The following SLCO1A2 variants were observed in gnomAD, a reference collection of about 807,000 sequenced individuals.
The protein encoded by SLCO1A2 is solute carrier organic anion transporter family member 1A2.
In SLCO1A2, 67 loss-of-function variants were observed where a neutral mutation model predicts 69.0. The observed-to-expected ratio is 0.97, with a 90% CI of 0.80 to 1.19. SLCO1A2 has a LOEUF of 1.19. SLCO1A2 is among the 50% of genes most tolerant of loss of function. SLCO1A2 has a pLI of 0.00. For missense variants in SLCO1A2, 787 were observed against 793.7 expected, an observed-to-expected ratio of 0.99 and a Z score of 0.10; for synonymous variants, 260 against 265.9, an observed-to-expected ratio of 0.98 and a Z score of 0.22.
intron 3 of SLCO1A2, 101 bp downstream of exon 3, chr12:21,318,681 G>T: frequency 2.0e-6 from 2 of 998,442 alleles, no homozygotes; most frequent in South Asian, 1.9e-5. Context: ...AACTCGGTCA[G>T]ATTAAATGAC....
chr12:21,347,518 C>T (rs12099524), intron 2 of SLCO1A2, among the ~76,000 whole-genome samples: 23,261 of 151,876 alleles, frequency 0.15, 2,278 homozygotes, highest in African/African-American at 0.28. Flanking sequence ...TGGTGGCGCA[C>T]GTCTGTAATC....
intron 1 of SLCO1A2, among the ~76,000 whole-genome samples, chr12:21,377,103 T>C (rs1017321853): frequency 6.6e-6 from 1 of 152,182 alleles, no homozygotes; most frequent in Non-Finnish European, 1.5e-5. Flanking sequence ...TTATGATTTC[T>C]GAGTTTATAA....
intron 12 of SLCO1A2, among the ~76,000 whole-genome samples, chr12:21,276,987 G>A (rs1383459904): frequency 1.3e-5 from 2 of 152,198 alleles, no homozygotes; most frequent in Non-Finnish European, 2.9e-5. Context: ...ACAACTCCTA[G>A]GCAAGTTCTA....
At chr12:21,309,280 TA>T (rs749668569) in intron 4 of SLCO1A2, among the ~76,000 whole-genome samples, 36 of 152,074 alleles carry the variant, frequency 2.4e-4, no homozygotes, top group Non-Finnish European at 5.1e-4. Context: ...AAAGAAGGTA[TA>T]GGGGAGATAT....
At chr12:21,278,127 G>A (rs1423910127) in intron 12 of SLCO1A2, among the ~76,000 whole-genome samples, 2 of 152,110 alleles carry the variant, frequency 1.3e-5, no homozygotes, top group Non-Finnish European at 2.9e-5. Flanking sequence ...TGGGCCTGTG[G>A]TGGTGGTGGT....
intron 1 of SLCO1A2, chr12:21,379,365 T>C (rs1940438451): frequency 6.6e-6 from 1 of 152,232 alleles, no homozygotes; most frequent in Non-Finnish European, 1.5e-5. Flanking sequence ...AATGTATATG[T>C]CATTTATTTT....
intron 3 of SLCO1A2, among the ~76,000 whole-genome samples, chr12:21,317,128 T>G (rs761101669): frequency 2.6e-5 from 4 of 152,182 alleles, no homozygotes; most frequent in African/African-American, 7.2e-5. Context: ...CATATGGTGT[T>G]AGAATGCTAA....
rs755241596 is a variant in SLCO1A2 at position 21,295,690 on chromosome 12, C to G, written c.1178G>C (p.Trp393Ser). The part of the protein sequence containing the change: ...TVKQAAHIGC[W>S]LSLLEYLLYF... ...GAGAAGATACTCAAGTAAGGATAAC[C>G]AACATCCTATGTGGGCAGCTTGTTT... is the stretch of plus-strand genomic sequence containing the variant. The change falls in exon 10 of 15, where the codon TGG (tryptophan) becomes TCG (serine). Residue 393 changes from tryptophan to serine, a missense_variant. Coordinates refer to ENST00000683939, the MANE Select transcript of SLCO1A2 (RefSeq NM_001386879.1). 1 of 1,607,714 alleles carries G rather than the reference C, an allele frequency of 6.2e-7. No individual in the cohort carries two copies. The highest frequency in any genetic ancestry group is 2.2e-5 in the East Asian group (1 of 44,714).
At chr12:21,375,881 T>C (rs1403850151) in intron 1 of SLCO1A2, among the ~76,000 whole-genome samples, 1 of 152,238 alleles carries the variant, frequency 6.6e-6, no homozygotes, top group African/African-American at 2.4e-5. Context: ...CTAGCTCGTA[T>C]GTTACCTGTC....
chr12:21,346,489 C>G (rs1953255891), intron 2 of SLCO1A2, among the ~76,000 whole-genome samples: 1 of 151,444 alleles, frequency 6.6e-6, no homozygotes, highest in South Asian at 2.1e-4. Flanking sequence ...TAATTGTGAA[C>G]TATGTGACTT....
At chr12:21,399,905 C>T (rs1941628758), upstream of SLCO1A2, among the ~76,000 whole-genome samples, 1 of 151,128 alleles carries the variant, frequency 6.6e-6, no homozygotes, top group African/African-American at 2.4e-5. Context: ...AAACGTTAGA[C>T]CTAAAACCAT....
chr12:21,362,012 A>G (rs1401119799), intron 2 of SLCO1A2, among the ~76,000 whole-genome samples: 1 of 152,154 alleles, frequency 6.6e-6, no homozygotes, highest in Admixed American at 6.5e-5. Flanking sequence ...CTAGCGGGGA[A>G]GGCCAACATT....
intron 2 of SLCO1A2, among the ~76,000 whole-genome samples, chr12:21,329,716 T>C (rs1356676592): frequency 6.6e-6 from 1 of 150,872 alleles, no homozygotes; most frequent in African/African-American, 2.4e-5. Context: ...TTTAGTTTTA[T>C]CTATATAATA....
chr12:21,369,773 T>C lies in SLCO1A2; in HGVS notation c.-63+4626A>G, dbSNP rs1457613017. ...TGATGCAAAAGCTGCCAGCACCTCA[T>C]TCACACTTTGACTTAGCAAGGCTAG... is the stretch of plus-strand genomic sequence containing the variant. On this transcript the variant is annotated intron_variant, in intron 2 of 15. Transcript: ENST00000307378. Among the ~76,000 whole-genome samples, 4 of 152,200 alleles carry C rather than the reference T, an allele frequency of 2.6e-5. No individual in the cohort carries two copies. The South Asian group carries it at 6.2e-4, about 24-fold the overall frequency.
chr12:21,417,979 G>A (rs1412255248), exon 1 of SLCO1A2: 1 of 152,086 alleles, frequency 6.6e-6, no homozygotes, highest in East Asian at 1.9e-4. Context: ...AACACACCAT[G>A]GGTCTCTATT....
At position 21,300,518 on chromosome 12, in the gene SLCO1A2, A is replaced by C; in HGVS notation, c.740T>G (p.Phe247Cys). The C allele has an allele frequency of 7.4e-6, 12 of 1,613,574 alleles. No individual in the cohort carries two copies. The highest frequency in any genetic ancestry group is 1.0e-5 in the Non-Finnish European group (12 of 1,179,746). The change falls in exon 8 of 15, where the codon TTT (phenylalanine) becomes TGT (cysteine). Residue 247 changes from phenylalanine to cysteine, a missense_variant. Coordinates refer to ENST00000683939, the MANE Select transcript of SLCO1A2 (RefSeq NM_001386879.1). ...AACTCCTGCACAAATCAGAAAGCCA[A>C]ACCACCATGCACCGACCCAACGAGT... ...TDTRWVGAWW[F>C]GFLICAGVNV...
intron 2 of SLCO1A2, among the ~76,000 whole-genome samples, chr12:21,343,564 T>C (rs73239229): frequency 4.6e-5 from 7 of 152,242 alleles, no homozygotes; most frequent in African/African-American, 1.4e-4. Flanking sequence ...TTCATCAAGA[T>C]TGAATGTTTG....
At chr12:21,288,000 T>A (rs1946216390) in intron 12 of SLCO1A2, among the ~76,000 whole-genome samples, 1 of 123,884 alleles carries the variant, frequency 8.1e-6, no homozygotes, top group Non-Finnish European at 1.7e-5. Flanking sequence ...ACCCTAAAAC[T>A]TAAAGTATAA....
At chr12:21,397,777 G>C (rs2137179788), upstream of SLCO1A2, among the ~76,000 whole-genome samples, 1 of 129,674 alleles carries the variant, frequency 7.7e-6, no homozygotes, top group South Asian at 2.9e-4. Context: ...ATGACTACTG[G>C]GTACATAACG....
Sources: allele counts gnomAD v4.1 joint callset (sites outside exome capture counted in the v4.1 genomes callset), GRCh38; gene constraint gnomAD v4.1.1; transcripts MANE v1.5; gene names NCBI Gene and HGNC (gene_info 2026-07-23, HGNC 2026-07-21).